The following PMFBP1 variants were observed in gnomAD, a reference collection of about 807,000 sequenced individuals.
PMFBP1 encodes polyamine-modulated factor 1-binding protein 1.
PMFBP1 carries 131 observed loss-of-function variants against 137.8 expected under a neutral mutation model. The observed-to-expected ratio is 0.95, with a 90% confidence interval of 0.82 to 1.10. The LOEUF (loss-of-function observed/expected upper bound fraction) is 1.10, where lower values mean the gene tolerates loss of function less well. Ranked by LOEUF, PMFBP1 falls within the 50% of genes least tolerant of loss-of-function variation. The probability of loss-of-function intolerance (pLI) is 0.00; values close to 1 mark genes in which losing one functional copy is unlikely to be tolerated. For missense variants in PMFBP1, 1,199 were observed against 1,175.4 expected (o/e 1.02, Z -0.29); for synonymous variants, 490 against 450.4 (o/e 1.09, Z -1.11).
Position 72,130,737 on chromosome 16 carries a change from A to C in PMFBP1, c.1448-15T>G, listed in dbSNP as rs1386524125. 6.2e-7 allele frequency: 1 copy of C among 1,602,058 alleles called. No individual in the cohort carries two copies. Among genetic ancestry groups the C allele is most frequent in the African/African-American group, 1.3e-5 (1 of 74,648 alleles). On this transcript the variant is annotated splice_polypyrimidine_tract_variant and intron_variant, in intron 10 of 20. Transcript: ENST00000237353. ...TGCTTGCTGAGCTGCAGAAGCAGGG[A>C]GATGGCCATGTGAGAAGGGAGGGTG...
chr16:72,128,708 A>AGAGG lies in PMFBP1; in HGVS notation c.2033_2036dup (p.Asn681SerfsTer16), dbSNP rs1161891430. On this transcript the variant is annotated frameshift_variant, in exon 14 of 21. Transcript: ENST00000237353. LOFTEE classifies it high-confidence loss of function. The stretch of plus-strand genomic sequence containing the variant: ...GCTGGCTGGTGTTGTATTTGTTGAG[A>AGAGG]GAGGATTCCAGTTGTGTAGAACAAC... The AGAGG allele has an allele frequency of 3.7e-6, 6 of 1,614,018 alleles. No individual in the cohort carries two copies. The highest frequency in any genetic ancestry group is 5.1e-6 in the Non-Finnish European group (6 of 1,180,024).
the PMFBP1 span, among the ~76,000 whole-genome samples, chr16:72,207,841 C>T: frequency 6.6e-6 from 1 of 151,900 alleles, no homozygotes; most frequent in Non-Finnish European, 1.5e-5. Flanking sequence ...CTACAGTCAG[C>T]AAGAAGGAGA....
the PMFBP1 span, among the ~76,000 whole-genome samples, chr16:72,222,276 C>G: frequency 2.0e-5 from 3 of 152,116 alleles, no homozygotes; most frequent in Non-Finnish European, 2.9e-5. Flanking sequence ...CTGGCATAAC[C>G]CTGGCATGTT....
At chr16:72,237,441 T>A in the PMFBP1 span, among the ~76,000 whole-genome samples, 45 of 151,442 alleles carry the variant, frequency 3.0e-4, no homozygotes, top group Non-Finnish European at 5.9e-4. Flanking sequence ...ATAGTCACAT[T>A]AAAAAAAAAT....
the PMFBP1 span, among the ~76,000 whole-genome samples, chr16:72,243,651 G>T: frequency 7.9e-5 from 12 of 152,136 alleles, no homozygotes; most frequent in Non-Finnish European, 1.8e-4. Context: ...ATGGAGGAAG[G>T]GAGATTCAGC....
chr16:72,217,071 T>C, the PMFBP1 span, among the ~76,000 whole-genome samples: 1 of 152,186 alleles, frequency 6.6e-6, no homozygotes, highest in Admixed American at 6.5e-5. Context: ...CTATACGTGG[T>C]TCTCTCTTTC....
chr16:72,139,740 G>C (rs2042687735), intron 6 of PMFBP1, among the ~76,000 whole-genome samples: 1 of 152,164 alleles, frequency 6.6e-6, no homozygotes, highest in African/African-American at 2.4e-5. Flanking sequence ...TACAAAGTTT[G>C]AGAATTAAAG....
chr16:72,120,297 G>A (rs1172983813), intron 19 of PMFBP1: 5 of 769,716 alleles, frequency 6.5e-6, no homozygotes, highest in Non-Finnish European at 1.0e-5. Flanking sequence ...AGTGGACCAG[G>A]AGCTGGTACT....
chr16:72,125,105 T>C (rs1476347809), intron 16 of PMFBP1, 133 bp downstream of exon 16: 1 of 1,402,892 alleles, frequency 7.1e-7, no homozygotes, highest in African/African-American at 1.4e-5. Context: ...CTGTCTGAAG[T>C]TCAGGGAGCC....
chr16:72,164,706 G>T, intron 3 of PMFBP1, 58 bp downstream of exon 3: 1 of 1,536,040 alleles, frequency 6.5e-7, no homozygotes, highest in Non-Finnish European at 8.8e-7. Context: ...TCCCGCCCAA[G>T]GGAGCAGAGG....
At chr16:72,184,975 A>G in the PMFBP1 span, among the ~76,000 whole-genome samples, 1 of 152,030 alleles carries the variant, frequency 6.6e-6, no homozygotes, top group Non-Finnish European at 1.5e-5. Flanking sequence ...CTCTCAAGGT[A>G]AAGTGTTCCT....
At chr16:72,240,102 G>A in the PMFBP1 span, among the ~76,000 whole-genome samples, 1 of 152,038 alleles carries the variant, frequency 6.6e-6, no homozygotes, top group South Asian at 2.1e-4. Context: ...TAGGAGGGAG[G>A]ACATATCAGG....
At chr16:72,221,983 A>G in the PMFBP1 span, among the ~76,000 whole-genome samples, 6 of 152,206 alleles carry the variant, frequency 3.9e-5, no homozygotes, top group African/African-American at 9.6e-5. Context: ...GGGCTCAGGT[A>G]TATGTGTCAC....
In PMFBP1 at chr16:72,136,510, G is replaced by C; in HGVS notation, c.1141C>G (p.Arg381Gly). Residue 381 changes from arginine (R) to glycine (G), a missense_variant, in exon 9 of 21, where the codon CGG becomes GGG. Transcript: ENST00000237353. Reference protein sequence around the residue: ...KDKDITILQCRLQELQLEFTE... With the variant: ...KDKDITILQCGLQELQLEFTE... Reference sequence around the variant, plus strand: ...AACTCCAGCTGCAGCTCCTGCAGCCGGCACTGCAGGATGGTGATGTCCTTA... The same window carrying C: ...AACTCCAGCTGCAGCTCCTGCAGCCCGCACTGCAGGATGGTGATGTCCTTA... 6.2e-7 allele frequency: 1 copy of C among 1,613,984 alleles called. No homozygotes were observed. Among genetic ancestry groups the C allele is most frequent in the Non-Finnish European group, 8.5e-7 (1 of 1,179,972 alleles).
chr16:72,160,635 T>G (rs905132728), intron 3 of PMFBP1, among the ~76,000 whole-genome samples: 1 of 152,170 alleles, frequency 6.6e-6, no homozygotes, highest in Non-Finnish European at 1.5e-5. Context: ...ATGGAGATAT[T>G]TTTCTTTATT....
upstream of PMFBP1, among the ~76,000 whole-genome samples, chr16:72,175,460 T>C (rs1318263536): frequency 6.6e-6 from 1 of 152,210 alleles, no homozygotes; most frequent in Non-Finnish European, 1.5e-5. Context: ...CTGCTAATTT[T>C]GACTCCCTCC....
the PMFBP1 span, among the ~76,000 whole-genome samples, chr16:72,244,448 A>T: frequency 1.3e-5 from 2 of 152,246 alleles, no homozygotes; most frequent in Non-Finnish European, 2.9e-5. Context: ...AGGATAGGTC[A>T]GTTTGTTGAA....
chr16:72,198,502 C>G, the PMFBP1 span, among the ~76,000 whole-genome samples: 1 of 152,152 alleles, frequency 6.6e-6, no homozygotes, highest in African/African-American at 2.4e-5. Flanking sequence ...TCCCGCACAT[C>G]CCCCTGCCCT....
intron 12 of PMFBP1, 67 bp from the exon 13 acceptor site, chr16:72,129,300 A>G: frequency 6.6e-7 from 1 of 1,517,018 alleles, no homozygotes; most frequent in Non-Finnish European, 8.9e-7. Context: ...AAAAATACAG[A>G]CAATTGCACA....
Sources: allele counts gnomAD v4.1 joint callset (sites outside exome capture counted in the v4.1 genomes callset), GRCh38; gene constraint gnomAD v4.1.1; transcripts MANE v1.5; gene names NCBI Gene and HGNC (gene_info 2026-07-23, HGNC 2026-07-21).